Variants in SPATA17 observed in about 807,000 individuals in gnomAD.
SPATA17 encodes spermatogenesis associated 17, also known as spermatogenesis-associated protein 17.
SPATA17 carries 53 observed loss-of-function variants against 62.2 expected under a neutral mutation model. That is an observed-to-expected ratio of 0.85 (90% CI 0.68 to 1.07). The LOEUF (loss-of-function observed/expected upper bound fraction) is 1.07. Among genes scored for constraint, SPATA17 ranks in the 50% least tolerant of loss-of-function variants. SPATA17 has a pLI of 0.00. For missense variants in SPATA17, 466 were observed against 425.5 expected (o/e 1.10, Z -0.84); for synonymous variants, 146 against 146.8 (o/e 0.99, Z 0.04).
chr1:217,750,973 T>G (rs1672890882), intron 6 of SPATA17, among the ~76,000 whole-genome samples: 1 of 152,236 alleles, frequency 6.6e-6, no homozygotes, highest in East Asian at 1.9e-4. Flanking sequence ...ATCTGTGGTC[T>G]ACACCTGGTT....
chr1:217,719,848 G>A (rs1672084770), intron 5 of SPATA17, among the ~76,000 whole-genome samples: 1 of 152,218 alleles, frequency 6.6e-6, no homozygotes, highest in Non-Finnish European at 1.5e-5. Context: ...TGTGGCTGCA[G>A]CCTGCTGGAT....
intron 9 of SPATA17, among the ~76,000 whole-genome samples, chr1:217,817,638 A>G (rs1228238386): frequency 6.6e-6 from 1 of 152,114 alleles, no homozygotes; most frequent in African/African-American, 2.4e-5. Flanking sequence ...GTGGAAACAT[A>G]CCAAATCAAT....
At chr1:217,816,468 T>C (rs1674719516) in intron 9 of SPATA17, among the ~76,000 whole-genome samples, 1 of 151,784 alleles carries the variant, frequency 6.6e-6, no homozygotes, top group South Asian at 2.1e-4. Flanking sequence ...TATTTATATA[T>C]TCAACCTTCT....
At chr1:217,813,170 C>T (rs758580056) in intron 9 of SPATA17, among the ~76,000 whole-genome samples, 12 of 152,146 alleles carry the variant, frequency 7.9e-5, no homozygotes, top group East Asian at 1.9e-4. Flanking sequence ...ATGTAGAACA[C>T]ATCATAGATT....
chr1:217,870,789 A>T lies in SPATA17; in HGVS notation c.*3770A>T, dbSNP rs1490955658. ...AGTCACACCAGCTTTGCTGTAGTTA[A>T]TCAGGTAATACCTTTCTTCTCCACT... On this transcript the variant is annotated 3_prime_UTR_variant, in exon 11 of 11. Transcript: ENST00000366933. 3 of 152,194 alleles carry T rather than the reference A, an allele frequency of 2.0e-5. No homozygotes were observed. In the East Asian group the frequency reaches 5.8e-4, roughly 29 times the overall value. 9.4% of individuals were successfully genotyped at this position (152,194 alleles called of 1,614,324 possible).
intron 9 of SPATA17, among the ~76,000 whole-genome samples, chr1:217,862,055 T>C (rs1186724123): frequency 6.6e-6 from 1 of 151,500 alleles, no homozygotes; most frequent in East Asian, 1.9e-4. Context: ...TCTTTTCTCC[T>C]ATGTTTTCTT....
chr1:217,683,370 T>G lies in SPATA17; in HGVS notation c.395+9T>G, dbSNP rs1671143385. 1.3e-6 allele frequency: 2 copies of G among 1,537,152 alleles called. No individual in the cohort carries two copies. The highest frequency in any genetic ancestry group is 2.7e-5 in the African/African-American group (2 of 72,894). ...ACCAATGATGCAATTAGGTAAGTAG[T>G]GCAATCATCCATTCACTAGGGAAAA... is the stretch of plus-strand genomic sequence containing the variant. On this transcript the variant is annotated intron_variant, in intron 5 of 10. Coordinates refer to ENST00000366933, the MANE Select transcript of SPATA17 (RefSeq NM_138796.4).
At chr1:217,795,938 C>T (rs1282125154) in intron 8 of SPATA17, among the ~76,000 whole-genome samples, 1 of 152,106 alleles carries the variant, frequency 6.6e-6, no homozygotes, top group Non-Finnish European at 1.5e-5. Context: ...GCTGAGACTA[C>T]ACCTTCTCAC....
intron 5 of SPATA17, among the ~76,000 whole-genome samples, chr1:217,700,178 G>A (rs1409218521): frequency 6.6e-6 from 1 of 151,612 alleles, no homozygotes; most frequent in Admixed American, 6.6e-5. Flanking sequence ...TTAGAATAAG[G>A]TTATATATGT....
intron 3 of SPATA17, among the ~76,000 whole-genome samples, chr1:217,660,643 A>G (rs897209995): frequency 7.9e-5 from 12 of 152,194 alleles, no homozygotes; most frequent in Middle Eastern, 3.2e-3. Flanking sequence ...CTGAAGCTTT[A>G]AAGAGGTGTT....
At chr1:217,669,212 G>A in intron 4 of SPATA17, 129 bp downstream of exon 4, 1 of 763,702 alleles carries the variant, frequency 1.3e-6, no homozygotes, top group Admixed American at 2.7e-5. Flanking sequence ...GAAAGAGTAT[G>A]TAGTTAAAAA....
intron 9 of SPATA17, among the ~76,000 whole-genome samples, chr1:217,823,743 ATCTC>A (rs1674924434): frequency 1.3e-5 from 2 of 151,924 alleles, no homozygotes; most frequent in African/African-American, 4.8e-5. Context: ...ATTGCAGTGT[ATCTC>A]TCTCTTTAGA....
At chr1:217,714,502 T>TTTTTTTTTTTTTTTTTG in intron 5 of SPATA17, among the ~76,000 whole-genome samples, 1 of 148,546 alleles carries the variant, frequency 6.7e-6, no homozygotes, top group South Asian at 2.1e-4. Flanking sequence ...TTTTTTTTTT[T>TTTTTTTTTTTTTTTTTG]GAGACAGAGT....
intron 5 of SPATA17, among the ~76,000 whole-genome samples, chr1:217,729,378 T>C (rs1035803088): frequency 3.3e-5 from 5 of 152,204 alleles, no homozygotes; most frequent in African/African-American, 1.2e-4. Context: ...TAAATATGAT[T>C]ACCTCAAGAT....
chr1:217,863,068 G>A (rs1179115192), intron 10 of SPATA17, among the ~76,000 whole-genome samples: 3 of 150,132 alleles, frequency 2.0e-5, no homozygotes, highest in African/African-American at 7.3e-5. Context: ...TCTCCAAAAT[G>A]AGCCAAAAAT....
intron 8 of SPATA17, among the ~76,000 whole-genome samples, chr1:217,798,909 T>C (rs1356087081): frequency 6.7e-6 from 1 of 150,298 alleles, no homozygotes; most frequent in Non-Finnish European, 1.5e-5. Flanking sequence ...GGAGTCTCAC[T>C]CTGTCGCCTA....
intron 3 of SPATA17, among the ~76,000 whole-genome samples, chr1:217,656,980 C>T (rs973489930): frequency 6.6e-6 from 1 of 152,136 alleles, no homozygotes; most frequent in African/African-American, 2.4e-5. Flanking sequence ...CTCCTTTACA[C>T]GGAGTTCCTG....
intron 3 of SPATA17, among the ~76,000 whole-genome samples, chr1:217,664,799 G>C (rs1215987094): frequency 6.6e-6 from 1 of 152,112 alleles, no homozygotes; most frequent in African/African-American, 2.4e-5. Flanking sequence ...TGGTTTGAAA[G>C]TACCCTTTGG....
At position 217,709,375 on chromosome 1, in the gene SPATA17, A is replaced by C. The variant is rs11117914; in HGVS notation, c.395+26014A>C. On this transcript the variant is annotated intron_variant, in intron 5 of 10. Coordinates refer to ENST00000366933, the MANE Select transcript of SPATA17 (RefSeq NM_138796.4). ...GGCTGCTGCCTCATGTGAAAGCTCC[A>C]CCCTGGGAAAGATTCACTTCCAAGC... 5.0e-3 allele frequency among the ~76,000 whole-genome samples: 764 copies of C among 152,182 alleles called. 10 individuals carry two copies. The highest frequency in any genetic ancestry group is 0.018 in the African/African-American group (735 of 41,524).
Sources: allele counts gnomAD v4.1 joint callset (sites outside exome capture counted in the v4.1 genomes callset), GRCh38; gene constraint gnomAD v4.1.1; transcripts MANE v1.5; gene names NCBI Gene and HGNC (gene_info 2026-07-23, HGNC 2026-07-21).